EYA2: variants seen among roughly 807,000 people sequenced by gnomAD.
EYA2 encodes protein phosphatase EYA2.
EYA2 carries 31 observed loss-of-function variants against 69.2 expected under a neutral mutation model. That is an observed-to-expected ratio of 0.45 (90% CI 0.34 to 0.60). The LOEUF is 0.60. EYA2 is among the 20% of genes least tolerant of loss of function. The pLI, the probability that EYA2 is intolerant of heterozygous loss-of-function variation, is 0.02. For missense variants in EYA2, 622 were observed against 701.2 expected, an observed-to-expected ratio of 0.89 and a Z score of 1.28; for synonymous variants, 257 against 279.4, an observed-to-expected ratio of 0.92 and a Z score of 0.80.
chr20:47,085,174 A>G (rs1457871519), intron 7 of EYA2, among the ~76,000 whole-genome samples: 2 of 151,964 alleles, frequency 1.3e-5, no homozygotes, highest in Admixed American at 1.3e-4. Context: ...TACTTATTAT[A>G]TGACCTAGCA....
chr20:47,073,839 G>T (rs1007643889), intron 6 of EYA2, among the ~76,000 whole-genome samples: 1 of 152,074 alleles, frequency 6.6e-6, no homozygotes, highest in Non-Finnish European at 1.5e-5. Flanking sequence ...GCAGTTCTGA[G>T]ATGTGGATTT....
chr20:47,017,190 A>G (rs974047778), intron 5 of EYA2, among the ~76,000 whole-genome samples: 3 of 152,154 alleles, frequency 2.0e-5, no homozygotes, highest in Non-Finnish European at 2.9e-5. Flanking sequence ...TGATGCATGG[A>G]GCAGGGGGCT....
intron 5 of EYA2, among the ~76,000 whole-genome samples, chr20:47,052,801 T>G (rs1244099920): frequency 6.6e-6 from 1 of 152,094 alleles, no homozygotes; most frequent in Non-Finnish European, 1.5e-5. Context: ...TTATTCTGTA[T>G]TTTGTAGAGA....
chr20:47,041,368 C>T (rs1308847021), intron 5 of EYA2, among the ~76,000 whole-genome samples: 1 of 152,190 alleles, frequency 6.6e-6, no homozygotes, highest in Non-Finnish European at 1.5e-5. Context: ...ACTTTTAACC[C>T]ATAGCCATCC....
chr20:46,967,715 G>GC (rs1474460921), intron 1 of EYA2, among the ~76,000 whole-genome samples: 8 of 152,172 alleles, frequency 5.3e-5, no homozygotes, highest in Non-Finnish European at 8.8e-5. Context: ...GTTAGCAGGA[G>GC]CCAGGCCATG....
chr20:46,926,080 G>A (rs565592080), intron 1 of EYA2, among the ~76,000 whole-genome samples: 1 of 152,308 alleles, frequency 6.6e-6, no homozygotes, highest in East Asian at 1.9e-4. Context: ...CGTTTAAGAA[G>A]CAAGTGCGGA....
At chr20:47,011,549 G>C (rs1983057383) in intron 4 of EYA2, among the ~76,000 whole-genome samples, 1 of 152,060 alleles carries the variant, frequency 6.6e-6, no homozygotes, top group Non-Finnish European at 1.5e-5. Context: ...TGGCCTCCTT[G>C]CTGTTAGTTC....
chr20:47,021,084 G>C (rs1432380742), intron 5 of EYA2, among the ~76,000 whole-genome samples: 1 of 152,156 alleles, frequency 6.6e-6, no homozygotes, highest in African/African-American at 2.4e-5. Flanking sequence ...GTTAATGTAT[G>C]TGAAGTGTTT....
chr20:46,918,469 C>T lies in EYA2; in HGVS notation c.-11+23482C>T, dbSNP rs371947360. Among the ~76,000 whole-genome samples the T allele has an allele frequency of 4.0e-4, 61 of 152,196 alleles. 1 individual carries two copies. The East Asian group carries it at 9.8e-3, about 24-fold the overall frequency. On this transcript the variant is annotated intron_variant, in intron 1 of 15. Coordinates refer to ENST00000327619, the MANE Select transcript of EYA2 (RefSeq NM_005244.5). ...GACTACAGGCACATGTCACCACGCC[C>T]GGCTATTTTTTTTAGTTTAGTAGAG...
At chr20:47,004,567 A>G (rs978137139) in intron 3 of EYA2, among the ~76,000 whole-genome samples, 1 of 152,246 alleles carries the variant, frequency 6.6e-6, no homozygotes, top group Admixed American at 6.5e-5. Flanking sequence ...TCAGGGATCC[A>G]GGGTGTTTCC....
intron 5 of EYA2, among the ~76,000 whole-genome samples, chr20:47,064,777 A>G (rs1291080648): frequency 1.3e-5 from 2 of 152,204 alleles, no homozygotes; most frequent in Admixed American, 1.3e-4. Context: ...CTGAAGGACA[A>G]TGCCCACCTT....
chr20:46,993,977 T>C (rs1414574966), intron 2 of EYA2, among the ~76,000 whole-genome samples: 1 of 152,242 alleles, frequency 6.6e-6, no homozygotes, highest in Non-Finnish European at 1.5e-5. Context: ...TACATATGCA[T>C]ATTTAAATTT....
chr20:46,939,099 A>G (rs6018194), intron 1 of EYA2, among the ~76,000 whole-genome samples: 83,743 of 152,042 alleles, frequency 0.55, 23,515 homozygotes, highest in African/African-American at 0.62. Context: ...AGGAGGGGCC[A>G]ATTCTGATGC....
chr20:46,913,292 T>C (rs1984742141), intron 1 of EYA2, among the ~76,000 whole-genome samples: 1 of 152,190 alleles, frequency 6.6e-6, no homozygotes, highest in African/African-American at 2.4e-5. Flanking sequence ...AGTGGGGTTG[T>C]GCCTGGTGTG....
rs547322237 is a variant in EYA2, at chr20:47,025,638, A to G, written c.415+9341A>G. Among the ~76,000 whole-genome samples, 9 of 152,280 alleles carry G rather than the reference A, an allele frequency of 5.9e-5. No homozygotes were observed. In the East Asian group the frequency reaches 1.7e-3, roughly 29 times the overall value. On this transcript the variant is annotated intron_variant, in intron 5 of 15. Transcript: ENST00000327619. The stretch of plus-strand genomic sequence containing the variant: ...CTCCGAAATGGTCATGAAAACCCCT[A>G]TATGTATATTATTTTTTATAAGTAT...
intron 1 of EYA2, among the ~76,000 whole-genome samples, chr20:46,900,494 T>G (rs1329391871): frequency 6.6e-6 from 1 of 152,220 alleles, no homozygotes; most frequent in African/African-American, 2.4e-5. Context: ...GGTTTCATGG[T>G]AAGATGTGGG....
chr20:47,028,852 G>C (rs1459831285), intron 5 of EYA2, among the ~76,000 whole-genome samples: 1 of 152,138 alleles, frequency 6.6e-6, no homozygotes. Flanking sequence ...GGCAAACTAA[G>C]GAGCCCCAGC....
intron 1 of EYA2, among the ~76,000 whole-genome samples, chr20:46,955,507 T>A (rs559209669): frequency 1.3e-5 from 2 of 152,366 alleles, no homozygotes; most frequent in South Asian, 4.1e-4. Context: ...CAAAAGTAAT[T>A]AACATGCTTA....
intron 1 of EYA2, among the ~76,000 whole-genome samples, chr20:46,935,509 C>T (rs1245776334): frequency 6.6e-6 from 1 of 152,180 alleles, no homozygotes; most frequent in Non-Finnish European, 1.5e-5. Flanking sequence ...GACATCCACT[C>T]CTGAAACTCA....
Sources: allele counts gnomAD v4.1 joint callset (sites outside exome capture counted in the v4.1 genomes callset), GRCh38; gene constraint gnomAD v4.1.1; transcripts MANE v1.5; gene names NCBI Gene and HGNC (gene_info 2026-07-23, HGNC 2026-07-21).